Variants in SORBS2 observed in about 807,000 individuals in gnomAD.
SORBS2 encodes sorbin and SH3 domain-containing protein 2.
SORBS2 carries 46 observed loss-of-function variants against 97.7 expected under a neutral mutation model. The observed-to-expected ratio is 0.47, with a 90% CI of 0.37 to 0.60. The LOEUF (loss-of-function observed/expected upper bound fraction) is 0.60. Ranked by LOEUF, SORBS2 falls within the 20% of genes least tolerant of loss-of-function variation. The pLI is 0.00. For missense variants in SORBS2, 1,316 were observed against 1,282.3 expected (o/e 1.03, Z -0.40); for synonymous variants, 476 against 473.4 (o/e 1.01, Z -0.07).
chr4:185,920,568 C>A, intron 1 of SORBS2, among the ~76,000 whole-genome samples: 1 of 152,222 alleles, frequency 6.6e-6, no homozygotes, highest in East Asian at 1.9e-4. Context: ...CAGAATAGAG[C>A]TTGTATGCCT....
chr4:185,776,509 T>C (rs182868385), intron 1 of SORBS2, among the ~76,000 whole-genome samples: 1 of 152,276 alleles, frequency 6.6e-6, no homozygotes, highest in African/African-American at 2.4e-5. Flanking sequence ...CCTGGTTTTT[T>C]TCAACCCCCT....
rs752825297 is a variant in SORBS2, at chr4:185,607,061, T to A, written c.2796+4719A>T. 1.9e-6 allele frequency: 2 copies of A among 1,031,852 alleles called. No individual in the cohort carries two copies. The highest frequency in any genetic ancestry group is 2.3e-6 in the Non-Finnish European group (2 of 857,368). 63.9% of individuals were successfully genotyped at this position (1,031,852 alleles called of 1,614,324 possible). A position where few individuals can be genotyped will look rare whatever the true frequency, so the allele number is the denominator to read the frequency against. On this transcript the variant is annotated intron_variant, in intron 12 of 14. Coordinates refer to ENST00000418609, the Ensembl canonical transcript of SORBS2. The surrounding 1 kb of genome is among the most constrained non-coding windows in gnomAD (Gnocchi z 5.2). ...GTGGAAGGTGATTCGGCAGGTGCAG[T>A]CGCTGGGGACAATGGGAGGAGGACA...
intron 2 of SORBS2, among the ~76,000 whole-genome samples, chr4:185,745,825 T>A (rs186042401): frequency 6.6e-6 from 1 of 152,210 alleles, no homozygotes; most frequent in Non-Finnish European, 1.5e-5. Flanking sequence ...GTGTGACTGA[T>A]CGCTGCAGTG....
At chr4:185,789,927 A>G (rs1312661942) in intron 1 of SORBS2, among the ~76,000 whole-genome samples, 1 of 152,142 alleles carries the variant, frequency 6.6e-6, no homozygotes, top group African/African-American at 2.4e-5. Flanking sequence ...AATACTTAGA[A>G]ACTCTTGTAC....
chr4:185,656,813 A>C (rs1290291603), exon 1 of SORBS2: 7 of 1,396,792 alleles, frequency 5.0e-6, no homozygotes, highest in Non-Finnish European at 6.5e-6. Flanking sequence ...AAAACTTAAA[A>C]AAAAATCCAA....
chr4:185,585,883 A>C (rs2095796038), exon 15 of SORBS2: 1 of 152,234 alleles, frequency 6.6e-6, no homozygotes, highest in African/African-American at 2.4e-5. Flanking sequence ...CCTTGTCATC[A>C]GTCAGTAGAT....
At chr4:185,601,986 G>C (rs1359899413) in intron 12 of SORBS2, among the ~76,000 whole-genome samples, 1 of 152,218 alleles carries the variant, frequency 6.6e-6, no homozygotes, top group African/African-American at 2.4e-5. Context: ...GATGGAAATG[G>C]AGGCTCAGCT....
At chr4:185,896,606 A>G (rs1351290610) in intron 1 of SORBS2, among the ~76,000 whole-genome samples, 1 of 152,182 alleles carries the variant, frequency 6.6e-6, no homozygotes, top group South Asian at 2.1e-4. Flanking sequence ...ATAAACAAAC[A>G]GCTAGTAACT....
intron 4 of SORBS2, chr4:185,677,635 G>A (rs1308557712): frequency 6.7e-7 from 1 of 1,503,332 alleles, no homozygotes; most frequent in Non-Finnish European, 8.9e-7. Flanking sequence ...GGTGGAGGGG[G>A]TGCCTGGATT....
chr4:185,824,437 C>T (rs2099198633), intron 1 of SORBS2, among the ~76,000 whole-genome samples: 1 of 152,166 alleles, frequency 6.6e-6, no homozygotes, highest in African/African-American at 2.4e-5. Context: ...ACCCTATTTC[C>T]AAATAAAGTC....
At chr4:185,653,284 T>A (rs1444046982) in intron 1 of SORBS2, among the ~76,000 whole-genome samples, 1 of 152,214 alleles carries the variant, frequency 6.6e-6, no homozygotes, top group East Asian at 1.9e-4. Flanking sequence ...AATTTAAGAA[T>A]GTAGATATTG....
intron 2 of SORBS2, among the ~76,000 whole-genome samples, chr4:185,728,258 TC>T (rs2098578480): frequency 6.6e-6 from 1 of 152,004 alleles, no homozygotes; most frequent in South Asian, 2.1e-4. Flanking sequence ...TGACCAGGAC[TC>T]CATGCTTTCA....
intron 11 of SORBS2, among the ~76,000 whole-genome samples, chr4:185,614,026 G>A (rs761175372): frequency 2.6e-5 from 4 of 152,094 alleles, no homozygotes; most frequent in Non-Finnish European, 5.9e-5. Context: ...TTACTACCTC[G>A]CCTGTGTTGT....
intron 2 of SORBS2, among the ~76,000 whole-genome samples, chr4:185,718,167 G>A (rs1023697248): frequency 3.3e-5 from 5 of 152,094 alleles, no homozygotes; most frequent in Non-Finnish European, 5.9e-5. Context: ...GGAGACAGGC[G>A]CTGTAGGAAG....
intron 12 of SORBS2, among the ~76,000 whole-genome samples, chr4:185,595,279 C>T (rs1218311798): frequency 6.6e-6 from 1 of 152,024 alleles, no homozygotes; most frequent in South Asian, 2.1e-4. Context: ...AACTAGAGTG[C>T]GTAAGAATTA....
At chr4:185,784,865 G>GA (rs2099048722) in intron 1 of SORBS2, among the ~76,000 whole-genome samples, 4 of 152,164 alleles carry the variant, frequency 2.6e-5, no homozygotes. Context: ...AATCTGCCAT[G>GA]AAAAATGAGC....
chr4:185,660,414 G>A (rs564601869), upstream of SORBS2, among the ~76,000 whole-genome samples: 11 of 152,270 alleles, frequency 7.2e-5, no homozygotes, highest in East Asian at 1.9e-3. Context: ...TGGGCTGATT[G>A]TTAAAGGGCA....
At position 185,876,070 on chromosome 4, in the gene SORBS2, A is replaced by G. The variant is rs566593887; in HGVS notation, c.-338+80126T>C. Among the ~76,000 whole-genome samples, 181 of 152,156 alleles carry G rather than the reference A, an allele frequency of 1.2e-3. 2 individuals carry two copies. In the South Asian group the frequency reaches 0.013, roughly 11 times the overall value. On this transcript the variant is annotated intron_variant, in intron 1 of 20. Coordinates refer to the SORBS2 transcript ENST00000284776. ...TGACGCGAGTGTAAAGTACTTCTCTATTGCAGAATACTAGAAGAATTGCAA... is the reference window on the plus strand; with the variant it reads ...TGACGCGAGTGTAAAGTACTTCTCTGTTGCAGAATACTAGAAGAATTGCAA...
intron 2 of SORBS2, among the ~76,000 whole-genome samples, chr4:185,694,858 C>A (rs964401749): frequency 1.3e-5 from 2 of 151,890 alleles, no homozygotes; most frequent in African/African-American, 4.8e-5. Flanking sequence ...AGGCGTGCAC[C>A]ATCACGCCTG....
Sources: gnomAD v4.1 joint callset for allele counts (sites outside exome capture counted in the v4.1 genomes callset) on GRCh38, gnomAD v4.1.1 for gene constraint, Gnocchi (gnomAD v3.1) non-coding constraint, MANE v1.5 for transcripts, NCBI Gene and HGNC (gene_info 2026-07-23, HGNC 2026-07-21) for gene names.